Variants in SNX7 observed in about 807,000 individuals in gnomAD.
SNX7 encodes sorting nexin 7, also known as sorting nexin-7.
Under a neutral mutation model 48.4 loss-of-function variants are expected in SNX7, and 35 were observed. The observed-to-expected ratio is 0.72, with a 90% CI of 0.55 to 0.96. The LOEUF is 0.96. Among genes scored for constraint, SNX7 ranks in the 40% least tolerant of loss-of-function variants. The pLI is 0.00. For synonymous variants in SNX7, 190 were observed against 190.2 expected, an observed-to-expected ratio of 1.00 and a Z score of 0.01; for missense variants, 553 against 548.9, an observed-to-expected ratio of 1.01 and a Z score of -0.07.
intron 8 of SNX7, among the ~76,000 whole-genome samples, chr1:98,747,022 T>A (rs1268220625): frequency 6.6e-6 from 1 of 152,092 alleles, no homozygotes; most frequent in Non-Finnish European, 1.5e-5. Flanking sequence ...GAAAAAAACT[T>A]AATTTTCTTC....
At chr1:98,753,253 CACAT>C (rs1220726758) in intron 8 of SNX7, among the ~76,000 whole-genome samples, 2 of 152,048 alleles carry the variant, frequency 1.3e-5, no homozygotes, top group Admixed American at 6.6e-5. Flanking sequence ...TATTTCAAAA[CACAT>C]ACTTTTTCTG....
intron 8 of SNX7, among the ~76,000 whole-genome samples, chr1:98,741,064 A>G (rs1654045222): frequency 6.6e-6 from 1 of 152,160 alleles, no homozygotes; most frequent in Non-Finnish European, 1.5e-5. Context: ...CTAACTATTA[A>G]TATCAGAAAA....
At chr1:98,713,824 C>T (rs1262272621) in intron 7 of SNX7, among the ~76,000 whole-genome samples, 1 of 152,188 alleles carries the variant, frequency 6.6e-6, no homozygotes, top group East Asian at 1.9e-4. Context: ...GGACACAATT[C>T]TGCCCCCTCT....
rs1331990077 is a variant in SNX7 at position 98,692,277 on chromosome 1, A to G, written c.639+578A>G. ...AGAGAAAAGAAAATGTTATTTAAGA[A>G]AATCCTAAGGAAGACAAAATATACC... On this transcript the variant is annotated intron_variant, in intron 4 of 8. Coordinates refer to ENST00000306121, the MANE Select transcript of SNX7 (RefSeq NM_015976.5). 2.0e-5 allele frequency among the ~76,000 whole-genome samples: 3 copies of G among 152,128 alleles called. No individual in the cohort carries two copies. The East Asian group carries it at 5.8e-4, about 29-fold the overall frequency.
chr1:98,663,274 T>G (rs991699030), intron 1 of SNX7, among the ~76,000 whole-genome samples: 11 of 64,124 alleles, frequency 1.7e-4, no homozygotes, highest in Non-Finnish European at 3.3e-4. Context: ...TTTTTTTTTT[T>G]TTTTTTTTTT....
chr1:98,673,016 T>A (rs1439036375), intron 1 of SNX7, among the ~76,000 whole-genome samples: 1 of 151,728 alleles, frequency 6.6e-6, no homozygotes, highest in Non-Finnish European at 1.5e-5. Flanking sequence ...CACCTCCAAT[T>A]GGCTAATGCT....
rs1650168784 is a variant in SNX7 at position 98,676,380 on chromosome 1, CTG to C, written c.181-8501_181-8500del. Among the ~76,000 whole-genome samples, 3 of 152,058 alleles carry C rather than the reference CTG, an allele frequency of 2.0e-5. 1 individual carries two copies. In the South Asian group the frequency reaches 6.2e-4, roughly 32 times the overall value. ...AAGACATTTATTGCTTCTAAATTTT[CTG>C]TGTCTGATTAATCCAACTGAAATTT... On this transcript the variant is annotated intron_variant, in intron 1 of 8. Coordinates refer to ENST00000306121, the MANE Select transcript of SNX7 (RefSeq NM_015976.5).
At chr1:98,740,988 T>C (rs754679806) in intron 8 of SNX7, among the ~76,000 whole-genome samples, 2 of 152,106 alleles carry the variant, frequency 1.3e-5, no homozygotes, top group Non-Finnish European at 2.9e-5. Flanking sequence ...ATCAAGAAGT[T>C]GGAGCCCTTA....
chr1:98,740,986 G>A (rs1482139), intron 8 of SNX7, among the ~76,000 whole-genome samples: 40,145 of 151,976 alleles, frequency 0.26, 5,623 homozygotes, highest in Middle Eastern at 0.31. Flanking sequence ...AAATCAAGAA[G>A]TTGGAGCCCT....
At chr1:98,708,125 A>G (rs4545356) in intron 7 of SNX7, among the ~76,000 whole-genome samples, 90,824 of 151,960 alleles carry the variant, frequency 0.6, 28,139 homozygotes, top group East Asian at 0.7. Context: ...ATTCCTTTCT[A>G]TATGCCTCAT....
intron 7 of SNX7, among the ~76,000 whole-genome samples, chr1:98,703,374 A>G (rs118151874): frequency 1.3e-5 from 2 of 152,266 alleles, no homozygotes; most frequent in South Asian, 2.1e-4. Flanking sequence ...GCATAGTTCT[A>G]TGCAACTTAG....
intron 1 of SNX7, among the ~76,000 whole-genome samples, chr1:98,667,955 AAAAC>A (rs1240846223): frequency 2.0e-5 from 3 of 152,068 alleles, no homozygotes; most frequent in Admixed American, 6.5e-5. Flanking sequence ...AAAAAACAAT[AAAAC>A]AAAATAGGGC....
At chr1:98,699,050 C>T (rs955145739) in intron 6 of SNX7, 145 bp downstream of exon 6, 24 of 690,328 alleles carry the variant, frequency 3.5e-5, no homozygotes, top group Non-Finnish European at 4.9e-5. Flanking sequence ...AATATTTATT[C>T]ACTGTGTGTC....
intron 1 of SNX7, among the ~76,000 whole-genome samples, chr1:98,672,721 G>A (rs1157592906): frequency 3.3e-5 from 5 of 150,308 alleles, no homozygotes; most frequent in African/African-American, 4.9e-5. Flanking sequence ...TCAGGAGATC[G>A]AGACCATCCT....
chr1:98,726,906 G>A (rs11166084), intron 7 of SNX7, among the ~76,000 whole-genome samples: 40,143 of 152,016 alleles, frequency 0.26, 5,642 homozygotes, highest in Middle Eastern at 0.31. Context: ...CACATAATAG[G>A]CACTTAAAAA....
At chr1:98,677,131 C>A (rs1248740358) in intron 1 of SNX7, among the ~76,000 whole-genome samples, 1 of 152,212 alleles carries the variant, frequency 6.6e-6, no homozygotes, top group Non-Finnish European at 1.5e-5. Flanking sequence ...ACTACCACTG[C>A]AGAGATAACT....
intron 4 of SNX7, among the ~76,000 whole-genome samples, chr1:98,694,186 C>T (rs544960265): frequency 4.0e-4 from 61 of 151,404 alleles, no homozygotes; most frequent in East Asian, 2.2e-3. Flanking sequence ...TTGGCTAACA[C>T]GGTGAAACCC....
At chr1:98,719,595 G>A (rs930638587) in intron 7 of SNX7, among the ~76,000 whole-genome samples, 3 of 151,594 alleles carry the variant, frequency 2.0e-5, no homozygotes, top group Non-Finnish European at 2.9e-5. Context: ...CTTCTTATTC[G>A]GGAAATTAGT....
chr1:98,737,020 C>T (rs1467196363), intron 7 of SNX7, among the ~76,000 whole-genome samples: 2 of 152,058 alleles, frequency 1.3e-5, no homozygotes, highest in Non-Finnish European at 2.9e-5. Flanking sequence ...CTACATGGCT[C>T]AGTGTGATCT....
Sources: allele counts gnomAD v4.1 joint callset (sites outside exome capture counted in the v4.1 genomes callset), GRCh38; gene constraint gnomAD v4.1.1; transcripts MANE v1.5; gene names NCBI Gene and HGNC (gene_info 2026-07-23, HGNC 2026-07-21).